The following TBC1D22A variants were observed in gnomAD, a reference collection of about 807,000 sequenced individuals.
TBC1D22A encodes the protein TBC1 domain family member 22A.
Under a neutral mutation model 60.2 loss-of-function variants are expected in TBC1D22A, and 38 were observed. The observed-to-expected ratio is 0.63, with a 90% CI of 0.49 to 0.83. The LOEUF is 0.83. Among genes scored for constraint, TBC1D22A ranks in the 40% least tolerant of loss-of-function variants. The pLI is 0.00. For missense variants in TBC1D22A, 628 were observed against 701.0 expected, an observed-to-expected ratio of 0.90 and a Z score of 1.18; for synonymous variants, 302 against 281.7, an observed-to-expected ratio of 1.07 and a Z score of -0.72.
At chr22:47,126,685 G>A (rs1032030876) in intron 12 of TBC1D22A, among the ~76,000 whole-genome samples, 1 of 152,252 alleles carries the variant, frequency 6.6e-6, no homozygotes, top group Admixed American at 6.5e-5. Flanking sequence ...TCAAGGACTG[G>A]CAGGGTGTCA....
At chr22:46,807,320 G>A (rs2085192324) in intron 4 of TBC1D22A, among the ~76,000 whole-genome samples, 1 of 151,852 alleles carries the variant, frequency 6.6e-6, no homozygotes, top group South Asian at 2.1e-4. Context: ...TGTGATGATG[G>A]TGGTGGGAAT....
chr22:47,134,674 C>T (rs569968815), intron 12 of TBC1D22A, among the ~76,000 whole-genome samples: 2 of 144,220 alleles, frequency 1.4e-5, no homozygotes, highest in African/African-American at 5.0e-5. Flanking sequence ...GAGGCTGCGT[C>T]CTCTTGTCAA....
chr22:46,845,740 A>G (rs1445668171), intron 4 of TBC1D22A, among the ~76,000 whole-genome samples: 1 of 152,262 alleles, frequency 6.6e-6, no homozygotes, highest in East Asian at 1.9e-4. Flanking sequence ...ATGCCAAGAA[A>G]TTGTTGAGCT....
At chr22:46,969,098 T>C (rs887410864) in intron 8 of TBC1D22A, among the ~76,000 whole-genome samples, 2 of 151,426 alleles carry the variant, frequency 1.3e-5, no homozygotes, top group Admixed American at 6.6e-5. Context: ...GCCCTGAAAG[T>C]TTCTCAAAAC....
intron 11 of TBC1D22A, among the ~76,000 whole-genome samples, chr22:47,078,457 G>GC (rs916537101): frequency 1.3e-5 from 2 of 152,168 alleles, no homozygotes; most frequent in African/African-American, 4.8e-5. Context: ...ACAGCTCCAT[G>GC]CCCCCCGCTC....
intron 10 of TBC1D22A, among the ~76,000 whole-genome samples, chr22:47,021,874 C>T (rs1376155905): frequency 6.6e-6 from 1 of 152,198 alleles, no homozygotes; most frequent in East Asian, 1.9e-4. Flanking sequence ...CTCTGACGTT[C>T]CTGGGTCAGG....
chr22:46,941,000 C>G (rs1569246809), intron 8 of TBC1D22A, among the ~76,000 whole-genome samples: 1 of 140,168 alleles, frequency 7.1e-6, no homozygotes, highest in African/African-American at 2.7e-5. Context: ...TATATATACA[C>G]ACATACACAG....
chr22:46,902,813 C>T (rs552583140), intron 7 of TBC1D22A, among the ~76,000 whole-genome samples: 35 of 150,318 alleles, frequency 2.3e-4, no homozygotes, highest in Non-Finnish European at 4.0e-4. Flanking sequence ...CGTGGGGACA[C>T]GAAGACTCAG....
chr22:46,973,764 T>C (rs136110), intron 8 of TBC1D22A, among the ~76,000 whole-genome samples: 28,650 of 152,146 alleles, frequency 0.19, 3,254 homozygotes, highest in East Asian at 0.28. Flanking sequence ...AAGGAAATTA[T>C]TTAGAGCGCC....
chr22:46,795,757 T>C (rs1415280397), intron 3 of TBC1D22A, among the ~76,000 whole-genome samples: 3 of 152,250 alleles, frequency 2.0e-5, no homozygotes, highest in African/African-American at 7.2e-5. Flanking sequence ...CATGGACTTA[T>C]GGGCTCTGCT....
At chr22:46,769,401 C>T (rs1294999107) in intron 1 of TBC1D22A, among the ~76,000 whole-genome samples, 1 of 152,244 alleles carries the variant, frequency 6.6e-6, no homozygotes, top group Admixed American at 6.5e-5. Context: ...CTGAGCAAGC[C>T]ATGTGGCTCT....
At chr22:46,975,585 G>A (rs2074264492) in intron 9 of TBC1D22A, among the ~76,000 whole-genome samples, 1 of 152,212 alleles carries the variant, frequency 6.6e-6, no homozygotes, top group Non-Finnish European at 1.5e-5. Context: ...GAGACACAGA[G>A]ATGGGGTTGT....
intron 10 of TBC1D22A, among the ~76,000 whole-genome samples, chr22:47,025,597 A>G (rs1265209946): frequency 6.6e-6 from 1 of 152,260 alleles, no homozygotes; most frequent in Non-Finnish European, 1.5e-5. Flanking sequence ...GCAAAAGAGC[A>G]GTACTTAGAA....
chr22:47,037,219 T>C (rs1603107412), intron 11 of TBC1D22A, 21 bp downstream of exon 11: 2 of 1,611,344 alleles, frequency 1.2e-6, no homozygotes, highest in East Asian at 2.2e-5. Context: ...CTTCGCACCC[T>C]CCGCCATGGG....
intron 10 of TBC1D22A, among the ~76,000 whole-genome samples, chr22:47,030,676 C>T (rs975949347): frequency 2.0e-5 from 3 of 152,246 alleles, no homozygotes; most frequent in African/African-American, 7.2e-5. Context: ...TATGTATACT[C>T]TTATTTCCAG....
chr22:47,073,959 C>T (rs1295113372), intron 11 of TBC1D22A, among the ~76,000 whole-genome samples: 1 of 152,164 alleles, frequency 6.6e-6, no homozygotes, highest in Non-Finnish European at 1.5e-5. Flanking sequence ...AAGACCTGAT[C>T]TCTCTACAAA....
intron 10 of TBC1D22A, among the ~76,000 whole-genome samples, chr22:47,005,650 A>T (rs1326486611): frequency 6.6e-6 from 1 of 151,032 alleles, no homozygotes; most frequent in East Asian, 1.9e-4. Context: ...ACACACACAC[A>T]CACCCACACA....
intron 4 of TBC1D22A, among the ~76,000 whole-genome samples, chr22:46,845,571 A>G (rs1021644945): frequency 6.6e-6 from 1 of 152,210 alleles, no homozygotes; most frequent in African/African-American, 2.4e-5. Flanking sequence ...AGCTCTGCTG[A>G]GTTAAATCAT....
chr22:47,083,931 G>A (rs77453128), intron 11 of TBC1D22A, among the ~76,000 whole-genome samples: 3 of 152,214 alleles, frequency 2.0e-5, no homozygotes, highest in Non-Finnish European at 2.9e-5. Flanking sequence ...ATGCGGAAAT[G>A]CAAAGGATTC....
Sources: allele counts gnomAD v4.1 joint callset (sites outside exome capture counted in the v4.1 genomes callset), GRCh38; gene constraint gnomAD v4.1.1; transcripts MANE v1.5; gene names NCBI Gene and HGNC (gene_info 2026-07-23, HGNC 2026-07-21).